Variants in TMC1 observed in about 807,000 individuals in gnomAD.
The protein encoded by TMC1 is transmembrane channel-like protein 1.
TMC1 carries 84 observed loss-of-function variants against 105.8 expected under a neutral mutation model. The observed-to-expected ratio is 0.79, with a 90% confidence interval of 0.67 to 0.95. TMC1 has a LOEUF of 0.95. Among genes scored for constraint, TMC1 ranks in the 40% least tolerant of loss-of-function variants. The pLI is 0.00. For missense variants in TMC1, 817 were observed against 914.1 expected (o/e 0.89, Z 1.37); for synonymous variants, 315 against 311.5 (o/e 1.01, Z -0.12).
intron 5 of TMC1, among the ~76,000 whole-genome samples, chr9:72,681,503 C>A (rs938149195): frequency 6.6e-6 from 1 of 152,146 alleles, no homozygotes; most frequent in Admixed American, 6.6e-5. Flanking sequence ...CTCACAAATA[C>A]TCCAGCATGT....
intron 4 of TMC1, among the ~76,000 whole-genome samples, chr9:72,644,283 T>G (rs1825674634): frequency 6.6e-6 from 1 of 152,042 alleles, no homozygotes; most frequent in Non-Finnish European, 1.5e-5. Flanking sequence ...AAAGTTCACT[T>G]TATGTTTTTT....
rs1828968639 is a variant in TMC1 at position 72,827,055 on chromosome 9, A to G, written c.2129+61A>G. On this transcript the variant is annotated intron_variant, in intron 21 of 23. Transcript: ENST00000297784. ...TGATGTTCTTCCTGGCTGTTTTTAC[A>G]TTTCAGCTTTTTCAGCTCTCTCACT... 2.5e-6 allele frequency: 4 copies of G among 1,610,064 alleles called. No individual in the cohort carries two copies. In the East Asian group the frequency reaches 6.7e-5, roughly 27 times the overall value.
chr9:72,679,545 A>G (rs552941764), intron 5 of TMC1, among the ~76,000 whole-genome samples: 1 of 152,216 alleles, frequency 6.6e-6, no homozygotes, highest in East Asian at 1.9e-4. Context: ...TATTTCTCAT[A>G]GTTCTGGAGG....
At chr9:72,830,409 T>C (rs772975436) in intron 21 of TMC1, 42 bp from the exon 22 acceptor site, 10 of 1,394,016 alleles carry the variant, frequency 7.2e-6, no homozygotes, top group African/African-American at 1.4e-5. Flanking sequence ...CTTGGGGAAC[T>C]GAAATATACC....
chr9:72,527,290 C>T (rs1175299387), intron 1 of TMC1, among the ~76,000 whole-genome samples: 2 of 152,062 alleles, frequency 1.3e-5, no homozygotes, highest in East Asian at 3.9e-4. Flanking sequence ...ATGTGTAAGA[C>T]GTGACACCCT....
At chr9:72,743,566 C>CAAAAAAAAAAA (rs386415092) in intron 10 of TMC1, among the ~76,000 whole-genome samples, 1 of 101,730 alleles carries the variant, frequency 9.8e-6, no homozygotes, top group African/African-American at 3.4e-5. Context: ...GACTCTGTTT[C>CAAAAAAAAAAA]AAAAAAAAAA....
chr9:72,826,857 T>C lies in TMC1; in HGVS notation c.2004-12T>C. 6.2e-7 allele frequency: 1 copy of C among 1,613,854 alleles called. No individual in the cohort carries two copies. Among genetic ancestry groups the C allele is most frequent in the Non-Finnish European group, 8.5e-7 (1 of 1,179,746 alleles). ...CTTAATAAACTTATCTCCCCCTTTTTAATTCCCCCAGTGGCAAAAATAGAA... is the reference window on the plus strand; with the variant it reads ...CTTAATAAACTTATCTCCCCCTTTTCAATTCCCCCAGTGGCAAAAATAGAA... On this transcript the variant is annotated splice_polypyrimidine_tract_variant and intron_variant, in intron 20 of 23. Transcript: ENST00000297784.
At chr9:72,725,566 G>T (rs1037940135) in intron 8 of TMC1, among the ~76,000 whole-genome samples, 1 of 151,414 alleles carries the variant, frequency 6.6e-6, no homozygotes, top group African/African-American at 2.4e-5. Context: ...TTGTCGGGGA[G>T]GCTAGGCCAG....
chr9:72,656,649 C>A (rs1455076154), intron 5 of TMC1, among the ~76,000 whole-genome samples: 1 of 152,160 alleles, frequency 6.6e-6, no homozygotes, highest in Non-Finnish European at 1.5e-5. Flanking sequence ...TTCCCTACTT[C>A]TTTGCTTACT....
intron 12 of TMC1, among the ~76,000 whole-genome samples, chr9:72,756,717 A>G (rs909486541): frequency 6.6e-6 from 1 of 152,182 alleles, no homozygotes; most frequent in African/African-American, 2.4e-5. Context: ...ATATGAACAA[A>G]AGGTCTTTTG....
intron 13 of TMC1, among the ~76,000 whole-genome samples, chr9:72,784,201 G>A (rs1379500055): frequency 6.6e-6 from 1 of 151,810 alleles, no homozygotes; most frequent in Non-Finnish European, 1.5e-5. Flanking sequence ...AATCTATAAG[G>A]AACTTAAACT....
intron 1 of TMC1, among the ~76,000 whole-genome samples, chr9:72,544,332 A>G (rs1400758193): frequency 1.5e-5 from 2 of 129,204 alleles, no homozygotes; most frequent in Non-Finnish European, 3.2e-5. Context: ...CAGGCCCCTC[A>G]AGGTATATCC....
chr9:72,527,293 G>T (rs531294246), intron 1 of TMC1, among the ~76,000 whole-genome samples: 2 of 152,120 alleles, frequency 1.3e-5, no homozygotes, highest in South Asian at 4.2e-4. Flanking sequence ...TGTAAGACGT[G>T]ACACCCTCTG....
intron 21 of TMC1, among the ~76,000 whole-genome samples, chr9:72,829,178 A>T (rs559109014): frequency 6.6e-5 from 10 of 152,286 alleles, no homozygotes; most frequent in African/African-American, 1.9e-4. Flanking sequence ...TTTGGGGCCC[A>T]TACAATTGGC....
At chr9:72,571,547 A>G (rs1824285701) in intron 1 of TMC1, among the ~76,000 whole-genome samples, 1 of 150,868 alleles carries the variant, frequency 6.6e-6, no homozygotes, top group Non-Finnish European at 1.5e-5. Context: ...CCTGGGTTCA[A>G]GTGATTCTCC....
intron 3 of TMC1, among the ~76,000 whole-genome samples, chr9:72,620,760 C>T (rs923472429): frequency 3.3e-5 from 5 of 152,172 alleles, no homozygotes; most frequent in Admixed American, 2.6e-4. Flanking sequence ...CATGGTACCT[C>T]CAGGTATTTT....
At chr9:72,779,554 C>G (rs1828058702) in intron 13 of TMC1, among the ~76,000 whole-genome samples, 1 of 152,136 alleles carries the variant, frequency 6.6e-6, no homozygotes, top group Non-Finnish European at 1.5e-5. Flanking sequence ...ACAAAATAGT[C>G]ATTTTAAGAA....
chr9:72,729,057 A>G (rs943793115), intron 8 of TMC1, among the ~76,000 whole-genome samples: 9 of 152,122 alleles, frequency 5.9e-5, no homozygotes, highest in African/African-American at 2.2e-4. Context: ...TCCAGGGAGC[A>G]AAGAAGTCAT....
intron 17 of TMC1, among the ~76,000 whole-genome samples, chr9:72,803,732 A>G (rs1029653522): frequency 2.0e-5 from 3 of 152,226 alleles, no homozygotes; most frequent in African/African-American, 7.2e-5. Context: ...TCAGGAAACA[A>G]CAGATGCTGG....
Sources: gnomAD v4.1 joint callset for allele counts (sites outside exome capture counted in the v4.1 genomes callset) on GRCh38, gnomAD v4.1.1 for gene constraint, MANE v1.5 for transcripts, NCBI Gene and HGNC (gene_info 2026-07-23, HGNC 2026-07-21) for gene names.